The following PCLO variants were observed in gnomAD, a reference collection of about 807,000 sequenced individuals.
PCLO encodes protein piccolo.
In PCLO, 82 loss-of-function variants were observed where a neutral mutation model predicts 427.5. The observed-to-expected ratio is 0.19, with a 90% CI of 0.16 to 0.23. The LOEUF is 0.23. Ranked by LOEUF, PCLO falls within the 10% of genes least tolerant of loss-of-function variation. The pLI is 1.00. For synonymous variants in PCLO, 2,357 were observed against 2,155.4 expected, an observed-to-expected ratio of 1.09 and a Z score of -2.59; for missense variants, 6,239 against 6,115.9, an observed-to-expected ratio of 1.02 and a Z score of -0.67.
chr7:82,788,035 G>A (rs1210214848), intron 22 of PCLO, among the ~76,000 whole-genome samples: 1 of 151,806 alleles, frequency 6.6e-6, no homozygotes, highest in Non-Finnish European at 1.5e-5. Flanking sequence ...AAGTCAAATA[G>A]AGCATGCCTC....
rs1315468219 is a variant in PCLO, at chr7:82,949,996, A to G, written c.10592T>C (p.Val3531Ala). Residue 3531 changes from valine (V) to alanine (A), a missense_variant, in exon 6 of 25, where the codon GTT becomes GCT. By Grantham distance (64) the Val-to-Ala change is moderately conservative. Transcript: ENST00000333891. ...VAEISVQTEP[V>A]GTIRTPSIRA... ...TATGGAGGGTGTTCTTATGGTTCCA[A>G]CTGGTTCAGTTTGCACAGATATCTC... 3 of 1,613,318 alleles carry G rather than the reference A, an allele frequency of 1.9e-6. No homozygotes were observed. Among genetic ancestry groups the G allele is most frequent in the African/African-American group, 1.3e-5 (1 of 74,792 alleles).
At chr7:82,768,917 A>G (rs1207820377) in intron 22 of PCLO, among the ~76,000 whole-genome samples, 1 of 152,218 alleles carries the variant, frequency 6.6e-6, no homozygotes, top group Non-Finnish European at 1.5e-5. Context: ...GATTAACAGA[A>G]TACAATCATC....
chr7:82,983,265 T>A (rs1284149424), intron 3 of PCLO, among the ~76,000 whole-genome samples: 4 of 151,252 alleles, frequency 2.6e-5, no homozygotes, highest in Non-Finnish European at 5.9e-5. Flanking sequence ...AACTATTTTT[T>A]AATTTTTTTG....
chr7:82,960,719 T>C (rs964444482), intron 4 of PCLO, among the ~76,000 whole-genome samples: 3 of 152,114 alleles, frequency 2.0e-5, no homozygotes, highest in Admixed American at 6.6e-5. Context: ...AATGAAGTAA[T>C]AAAATGATGT....
At chr7:83,057,206 C>A (rs1405888778) in intron 3 of PCLO, among the ~76,000 whole-genome samples, 1 of 146,898 alleles carries the variant, frequency 6.8e-6, no homozygotes, top group Non-Finnish European at 1.5e-5. Flanking sequence ...GCCTCAGTCT[C>A]CTGAGTAGCT....
chr7:82,898,174 C>T (rs1362072050), intron 9 of PCLO, among the ~76,000 whole-genome samples: 1 of 151,422 alleles, frequency 6.6e-6, no homozygotes, highest in East Asian at 1.9e-4. Context: ...TGTGAAGTCA[C>T]ATATTAAATA....
At chr7:83,082,936 A>G (rs1467913171) in intron 3 of PCLO, among the ~76,000 whole-genome samples, 1 of 151,862 alleles carries the variant, frequency 6.6e-6, no homozygotes, top group Non-Finnish European at 1.5e-5. Context: ...AAACTCACCA[A>G]AAGAACAAAA....
At chr7:82,877,973 G>A (rs375079017) in intron 10 of PCLO, among the ~76,000 whole-genome samples, 1 of 152,270 alleles carries the variant, frequency 6.6e-6, no homozygotes, top group East Asian at 1.9e-4. Context: ...GAGCCACCAA[G>A]CCCAGCCAAC....
At chr7:82,812,693 C>T (rs968728719) in intron 20 of PCLO, among the ~76,000 whole-genome samples, 16 of 151,316 alleles carry the variant, frequency 1.1e-4, no homozygotes, top group Non-Finnish European at 1.8e-4. Flanking sequence ...AATGCAAATA[C>T]AATAATGATC....
At chr7:83,152,045 A>G (rs946839979) in intron 2 of PCLO, among the ~76,000 whole-genome samples, 5 of 152,054 alleles carry the variant, frequency 3.3e-5, no homozygotes, top group South Asian at 4.2e-4. Context: ...GCTCACTGCA[A>G]GCTCCGCCTC....
At chr7:83,123,515 GA>G (rs1279999935) in intron 3 of PCLO, among the ~76,000 whole-genome samples, 2 of 152,206 alleles carry the variant, frequency 1.3e-5, no homozygotes, top group South Asian at 4.1e-4. Flanking sequence ...CTGAAACTAT[GA>G]ATCTACCAGA....
chr7:82,794,254 T>C (rs1447211891), intron 22 of PCLO, among the ~76,000 whole-genome samples: 1 of 151,916 alleles, frequency 6.6e-6, no homozygotes, highest in Non-Finnish European at 1.5e-5. Flanking sequence ...TTTGTTTTCT[T>C]TAGTTTAAAG....
At chr7:83,106,189 T>C (rs531806949) in intron 3 of PCLO, among the ~76,000 whole-genome samples, 53 of 152,292 alleles carry the variant, frequency 3.5e-4, no homozygotes, top group African/African-American at 1.2e-3. Context: ...TTAGCATCAT[T>C]TGAGGTGCTA....
intron 20 of PCLO, among the ~76,000 whole-genome samples, chr7:82,813,620 A>G (rs539972725): frequency 6.6e-6 from 1 of 151,812 alleles, no homozygotes; most frequent in South Asian, 2.1e-4. Flanking sequence ...TACTAGCATG[A>G]GAGATTCATG....
intron 16 of PCLO, among the ~76,000 whole-genome samples, chr7:82,831,428 A>T (rs551498149): frequency 6.6e-4 from 101 of 152,136 alleles, no homozygotes; most frequent in African/African-American, 2.2e-3. Context: ...CTCAATTTAA[A>T]TACATAATTT....
At chr7:82,928,942 AAAAT>A (rs1028030157) in intron 6 of PCLO, among the ~76,000 whole-genome samples, 13 of 152,164 alleles carry the variant, frequency 8.5e-5, no homozygotes, top group Non-Finnish European at 1.5e-5. Context: ...ACTAGGTTGA[AAAAT>A]AAATAAGAGA....
At chr7:82,846,770 C>T (rs1311683708) in intron 11 of PCLO, 136 bp from the exon 12 acceptor site, 1 of 606,050 alleles carries the variant, frequency 1.7e-6, no homozygotes, top group East Asian at 2.8e-5. Context: ...CAAAGCATGC[C>T]TACCATCCTA....
chr7:82,985,534 T>C (rs900886389), intron 3 of PCLO, among the ~76,000 whole-genome samples: 23 of 151,836 alleles, frequency 1.5e-4, no homozygotes, highest in African/African-American at 5.3e-4. Context: ...TCAACAAGAG[T>C]ATATGCTGAA....
Position 82,988,463 on chromosome 7 carries a change from C to A in PCLO, c.3301-21976G>T, listed in dbSNP as rs1479612126. On this transcript the variant is annotated intron_variant, in intron 3 of 24. Coordinates refer to ENST00000333891, the MANE Select transcript of PCLO (RefSeq NM_033026.6). ...TATAAATATTTTAATAGAGTTGAGA[C>A]CATATAATACTCATTCACTCTATCA... Among the ~76,000 whole-genome samples the A allele has an allele frequency of 4.6e-5, 7 of 152,194 alleles. No individual in the cohort carries two copies. In the East Asian group the frequency reaches 1.2e-3, roughly 25 times the overall value.
Sources: allele counts gnomAD v4.1 joint callset (sites outside exome capture counted in the v4.1 genomes callset), GRCh38; gene constraint gnomAD v4.1.1; transcripts MANE v1.5; gene names NCBI Gene and HGNC (gene_info 2026-07-23, HGNC 2026-07-21).